NPAT: variants seen among roughly 807,000 people sequenced by gnomAD.
NPAT encodes the protein protein NPAT.
Under a neutral mutation model 130.7 loss-of-function variants are expected in NPAT, and 52 were observed. That is an observed-to-expected ratio of 0.40 (90% confidence interval 0.32 to 0.50). The LOEUF is 0.50. NPAT is among the 20% of genes least tolerant of loss of function. The pLI is 0.68. For missense variants in NPAT, 1,687 were observed against 1,662.6 expected (o/e 1.01, Z -0.26); for synonymous variants, 580 against 584.8 (o/e 0.99, Z 0.12).
At position 108,158,572 on chromosome 11, in the gene NPAT, G is replaced by C; in HGVS notation, c.*370C>G. On this transcript the variant is annotated 3_prime_UTR_variant, in exon 18 of 18. Coordinates refer to ENST00000278612, the MANE Select transcript of NPAT (RefSeq NM_002519.3). ...AAACAAGTGAGAAACTATTCCAGAT[G>C]AGTAAGTCTCAGAATTAGGGATCAT... is the stretch of plus-strand genomic sequence containing the variant. The C allele has an allele frequency of 5.8e-6, 1 of 171,078 alleles. No individual in the cohort carries two copies. The allele number at this position is 171,078 out of a possible 1,614,324, so 10.6% of individuals were successfully genotyped here.
chr11:108,180,573 A>G (rs4623864), intron 10 of NPAT, among the ~76,000 whole-genome samples: 79,924 of 150,994 alleles, frequency 0.53, 21,871 homozygotes, highest in Middle Eastern at 0.74. Flanking sequence ...GAGGATGTAG[A>G]TAAGTGAGAA....
intron 12 of NPAT, 145 bp from the exon 13 acceptor site, chr11:108,173,996 T>C (rs1236816220): frequency 4.0e-6 from 3 of 742,446 alleles, no homozygotes; most frequent in East Asian, 2.7e-5. Flanking sequence ...GTGTTTCCCA[T>C]TTACTGAGTA....
chr11:108,194,269 C>A (rs1173893810), intron 2 of NPAT, among the ~76,000 whole-genome samples: 3 of 152,186 alleles, frequency 2.0e-5, no homozygotes, highest in Non-Finnish European at 4.4e-5. Flanking sequence ...CAGACCCTCT[C>A]AGCAGACAGC....
At chr11:108,189,824 C>A (rs1357763736) in intron 5 of NPAT, among the ~76,000 whole-genome samples, 1 of 145,738 alleles carries the variant, frequency 6.9e-6, no homozygotes. Context: ...GAGCCGAGAT[C>A]GCGCCACTGC....
chr11:108,206,459 G>A (rs369453175), intron 1 of NPAT, among the ~76,000 whole-genome samples: 13 of 152,278 alleles, frequency 8.5e-5, no homozygotes, highest in Admixed American at 2.0e-4. Context: ...GCAGTAGGGC[G>A]GGCATATCCA....
Position 108,173,701 on chromosome 11 carries a change from A to C in NPAT, c.1283T>G (p.Phe428Cys). 1 of 1,614,138 alleles carries C rather than the reference A, an allele frequency of 6.2e-7. No homozygotes were observed. Among genetic ancestry groups the C allele is most frequent in the Non-Finnish European group, 8.5e-7 (1 of 1,180,024 alleles). ...CTGTTCAGTGGGTACAGCTGTTTTA[A>C]AGGCCTTTTTCTGTATGCTGGTACT... ...QISTSIQKKA[F>C]KTAVPTEQKC... Residue 428 changes from phenylalanine to cysteine, a missense_variant, in exon 13 of 18, where the codon TTT becomes TGT. Transcript: ENST00000278612.
rs1054264948 is a variant in NPAT, at chr11:108,197,325, C to T, written c.133G>A (p.Gly45Arg). 4 of 1,608,206 alleles carry T rather than the reference C, an allele frequency of 2.5e-6. No homozygotes were observed. The highest frequency in any genetic ancestry group is 3.4e-6 in the Non-Finnish European group (4 of 1,174,830). ...ACCAGTAAGCAGGCTGGAATAAACC[C>T]TTCATCTGTACAATGTTCTGCATAT... ...KEYAEHCTDE[G>R]FIPACLLSLF... The change falls in exon 2 of 18, where the codon GGG (glycine) becomes AGG (arginine). Residue 45 changes from glycine to arginine, a missense_variant. Gly to Arg is a moderately radical substitution (Grantham distance 125). This residue lies in a region of NPAT where 307 missense variants were observed against 298.9 expected (regional missense o/e 1.03). Transcript: ENST00000278612.
At position 108,210,081 on chromosome 11, in the gene NPAT, A is replaced by G. The variant is rs1464808910; in HGVS notation, c.37+12419T>C. Among the ~76,000 whole-genome samples the G allele has an allele frequency of 9.3e-5, 14 of 150,290 alleles. No homozygotes were observed. In the Admixed American group the frequency reaches 9.4e-4, roughly 10 times the overall value. On this transcript the variant is annotated intron_variant, in intron 1 of 17. Coordinates refer to ENST00000278612, the MANE Select transcript of NPAT (RefSeq NM_002519.3). ...ACAATTCTGTAGCTAGACCAACCGA[A>G]AAAAAAAAGAGAATACTCAAATTAT...
At chr11:108,184,961 T>C (rs1242844497) in intron 10 of NPAT, among the ~76,000 whole-genome samples, 1 of 152,230 alleles carries the variant, frequency 6.6e-6, no homozygotes, top group Non-Finnish European at 1.5e-5. Flanking sequence ...TACCCACTAA[T>C]AAATGTTTAA....
chr11:108,174,671 C>A (rs1474672891), intron 12 of NPAT, among the ~76,000 whole-genome samples: 4 of 145,790 alleles, frequency 2.7e-5, no homozygotes, highest in Admixed American at 1.4e-4. Flanking sequence ...TGGAGTGCAG[C>A]GGTGCGATTC....
chr11:108,163,789 A>G (rs2134822830), intron 15 of NPAT, among the ~76,000 whole-genome samples: 1 of 152,300 alleles, frequency 6.6e-6, no homozygotes, highest in Admixed American at 6.5e-5. Flanking sequence ...TCAATGCATA[A>G]TGCAATATTA....
chr11:108,199,909 C>A (rs538111306), intron 1 of NPAT, among the ~76,000 whole-genome samples: 2 of 152,314 alleles, frequency 1.3e-5, no homozygotes, highest in Admixed American at 1.3e-4. Flanking sequence ...CTTCCTGGCT[C>A]CTATCTCTTC....
At chr11:108,219,732 A>AAACAAC (rs145766814) in intron 1 of NPAT, among the ~76,000 whole-genome samples, 6 of 151,258 alleles carry the variant, frequency 4.0e-5, no homozygotes, top group South Asian at 4.2e-4. Flanking sequence ...CATTAAAAAC[A>AAACAAC]AACAACAACA....
rs11330167 is a variant in NPAT at position 108,177,719 on chromosome 11, C to CT, written c.907-630dup. 4.0e-5 allele frequency among the ~76,000 whole-genome samples: 6 copies of CT among 151,184 alleles called. No individual in the cohort carries two copies. In the East Asian group the frequency reaches 5.8e-4, roughly 15 times the overall value. On this transcript the variant is annotated intron_variant, in intron 10 of 17. Transcript: ENST00000278612. ...AAATAAAATCATACTATAAAGTTCC[C>CT]TTTTTTTTTGTTTTGAGACAGGGTG...
At chr11:108,182,696 G>T (rs1386040746) in intron 10 of NPAT, among the ~76,000 whole-genome samples, 2 of 152,176 alleles carry the variant, frequency 1.3e-5, no homozygotes, top group African/African-American at 4.8e-5. Context: ...CGCCATGTGG[G>T]CAAGGCTGGT....
intron 15 of NPAT, among the ~76,000 whole-genome samples, chr11:108,167,247 GT>G (rs977735106): frequency 1.3e-5 from 2 of 152,104 alleles, no homozygotes; most frequent in Non-Finnish European, 2.9e-5. Context: ...GGGTCTCACT[GT>G]TGCCCAGACT....
intron 4 of NPAT, among the ~76,000 whole-genome samples, chr11:108,191,663 C>G (rs2078170749): frequency 6.6e-6 from 1 of 152,118 alleles, no homozygotes; most frequent in African/African-American, 2.4e-5. Flanking sequence ...ATTCTATAGT[C>G]AAATATGAGA....
At chr11:108,197,035 G>A (rs2078228678) in intron 2 of NPAT, among the ~76,000 whole-genome samples, 1 of 152,098 alleles carries the variant, frequency 6.6e-6, no homozygotes, top group African/African-American at 2.4e-5. Context: ...AAAAAGGCTT[G>A]GAGACAGCAG....
chr11:108,193,359 T>A (rs1016708766), intron 3 of NPAT, among the ~76,000 whole-genome samples: 1 of 152,188 alleles, frequency 6.6e-6, no homozygotes, highest in Non-Finnish European at 1.5e-5. Context: ...ATTTTACATA[T>A]TTTTTAAAGG....
Sources: allele counts gnomAD v4.1 joint callset (sites outside exome capture counted in the v4.1 genomes callset), GRCh38; gene constraint gnomAD v4.1.1; regional missense constraint gnomAD v4.1.1; transcripts MANE v1.5; gene names NCBI Gene and HGNC (gene_info 2026-07-23, HGNC 2026-07-21).